Variants in CFAP44 observed in about 807,000 individuals in gnomAD.
CFAP44 encodes cilia and flagella associated protein 44, also known as cilia- and flagella-associated protein 44.
Under a neutral mutation model 216.2 loss-of-function variants are expected in CFAP44, and 134 were observed. The observed-to-expected ratio is 0.62, with a 90% CI of 0.54 to 0.72. The LOEUF is 0.72. Among genes scored for constraint, CFAP44 ranks in the 30% least tolerant of loss-of-function variants. CFAP44 has a pLI of 0.00. For synonymous variants in CFAP44, 700 were observed against 727.6 expected (o/e 0.96, Z 0.61); for missense variants, 2,035 against 2,182.1 (o/e 0.93, Z 1.34).
intron 18 of CFAP44, among the ~76,000 whole-genome samples, chr3:113,372,900 G>A (rs772442850): frequency 3.9e-5 from 6 of 152,142 alleles, no homozygotes; most frequent in African/African-American, 9.7e-5. Context: ...CTCCAGAACT[G>A]TGAGAAAAAA....
intron 22 of CFAP44, among the ~76,000 whole-genome samples, chr3:113,354,019 GA>G (rs1009953453): frequency 6.7e-6 from 1 of 149,154 alleles, no homozygotes; most frequent in Non-Finnish European, 1.5e-5. Context: ...TTAGTAGCTG[GA>G]AAAAAATTAG....
intron 6 of CFAP44, among the ~76,000 whole-genome samples, chr3:113,410,847 G>T (rs1043172417): frequency 2.2e-4 from 33 of 152,140 alleles, no homozygotes; most frequent in Non-Finnish European, 2.9e-5. Flanking sequence ...ATTCTAACTG[G>T]TGTGAGATGG....
chr3:113,341,184 A>C (rs969929931), intron 24 of CFAP44, among the ~76,000 whole-genome samples: 1 of 152,156 alleles, frequency 6.6e-6, no homozygotes, highest in African/African-American at 2.4e-5. Flanking sequence ...GTCTTGGGAA[A>C]TGCAACACTT....
rs551345363 is a variant in CFAP44, at chr3:113,327,941, T to C, written c.4117-122A>G. 1.3e-3 allele frequency: 1,093 copies of C among 818,256 alleles called. 29 individuals carry two copies. In the South Asian group the frequency reaches 0.019, roughly 14 times the overall value. 50.7% of individuals were successfully genotyped at this position (818,256 alleles called of 1,614,324 possible). A position where few individuals can be genotyped will look rare whatever the true frequency, so the allele number is the denominator to read the frequency against. On this transcript the variant is annotated intron_variant, in intron 26 of 34. Coordinates refer to ENST00000393845, the MANE Select transcript of CFAP44 (RefSeq NM_001164496.2). ...TTATGCCCTTATGGATGGAGAATTG[T>C]GTGTGTGTGTATAGTCACAAAAATA...
At position 113,366,255 on chromosome 3, in the gene CFAP44, A is replaced by G; in HGVS notation, c.2499T>C (p.Tyr833=). 6.2e-7 allele frequency: 1 copy of G among 1,612,504 alleles called. No homozygotes were observed. Among genetic ancestry groups the G allele is most frequent in the Non-Finnish European group, 8.5e-7 (1 of 1,178,860 alleles). The change falls in exon 19 of 35, where the codon TAT becomes TAC. Residue 833 remains tyrosine (Y), a synonymous_variant. Transcript: ENST00000393845. ...CGMKNGAIRV[Y]VLNQNDPSLT... The stretch of plus-strand genomic sequence containing the variant: ...ATGAAGGATCATTTTGATTTAGGAC[A>G]TAGACTCGAATTGCTCCATTTTTCA...
intron 17 of CFAP44, among the ~76,000 whole-genome samples, chr3:113,375,632 C>T (rs539258735): frequency 2.0e-5 from 3 of 152,020 alleles, no homozygotes; most frequent in African/African-American, 7.2e-5. Flanking sequence ...TAGAGTGCTA[C>T]GAACTGCAAA....
At chr3:113,299,376 CCT>C (rs372420178) in intron 32 of CFAP44, among the ~76,000 whole-genome samples, 3 of 152,106 alleles carry the variant, frequency 2.0e-5, no homozygotes, top group African/African-American at 7.2e-5. Flanking sequence ...TCATCTCACC[CCT>C]GTTAAAATGG....
At chr3:113,324,089 T>C (rs1345116046) in intron 28 of CFAP44, among the ~76,000 whole-genome samples, 1 of 149,482 alleles carries the variant, frequency 6.7e-6, no homozygotes, top group Non-Finnish European at 1.5e-5. Flanking sequence ...AACAACCCTA[T>C]AACTATTAAG....
At chr3:113,354,997 A>T (rs1319336785) in intron 22 of CFAP44, among the ~76,000 whole-genome samples, 3 of 152,178 alleles carry the variant, frequency 2.0e-5, no homozygotes, top group Non-Finnish European at 4.4e-5. Context: ...CTGAAGACGG[A>T]TCACATCACA....
At chr3:113,436,261 T>G (rs564306066) in intron 1 of CFAP44, among the ~76,000 whole-genome samples, 48 of 152,216 alleles carry the variant, frequency 3.2e-4, no homozygotes, top group African/African-American at 1.1e-3. Context: ...TAAAGAATTA[T>G]GCAGCCAATT....
chr3:113,306,778 T>C (rs1339983425), intron 29 of CFAP44, among the ~76,000 whole-genome samples: 1 of 152,174 alleles, frequency 6.6e-6, no homozygotes, highest in African/African-American at 2.4e-5. Flanking sequence ...AATGTAGAAA[T>C]GGAATACTAA....
intron 4 of CFAP44, among the ~76,000 whole-genome samples, chr3:113,423,186 C>T (rs1463640529): frequency 7.3e-6 from 1 of 137,488 alleles, no homozygotes; most frequent in Non-Finnish European, 1.5e-5. Context: ...ATGAACATGG[C>T]TCCCTGCAGG....
In CFAP44 at chr3:113,373,490, T is replaced by G; in HGVS notation, c.2365A>C (p.Lys789Gln). ...TCAATAGGTTCATCTTTTTGTTCTT[T>G]GAAATCACTGCTTTCATCACAAGGG... The part of the protein sequence containing the change: ...FPPCDESSDF[K>Q]EQKDEPIDVR... The change falls in exon 18 of 35, where the codon AAA (lysine) becomes CAA (glutamine). Residue 789 changes from lysine to glutamine, a missense_variant. By Grantham distance (53) the Lys-to-Gln change is moderately conservative. Around this residue, in one of 3 missense-constraint regions of CFAP44, gnomAD observed 1,883 missense variants for 2,023.7 expected, o/e 0.93. Transcript: ENST00000393845. 6.2e-7 allele frequency: 1 copy of G among 1,609,472 alleles called. No homozygotes were observed. The highest frequency in any genetic ancestry group is 8.5e-7 in the Non-Finnish European group (1 of 1,177,440).
intron 5 of CFAP44, among the ~76,000 whole-genome samples, chr3:113,419,190 T>C (rs113598923): frequency 1.3e-5 from 2 of 152,346 alleles, no homozygotes; most frequent in South Asian, 2.1e-4. Context: ...TGAAACCTCA[T>C]AGGCTCCGAC....
intron 28 of CFAP44, among the ~76,000 whole-genome samples, chr3:113,322,572 A>T (rs1950154993): frequency 6.6e-6 from 1 of 152,232 alleles, no homozygotes; most frequent in African/African-American, 2.4e-5. Context: ...ACTATTATTA[A>T]AAAGTCAAAA....
chr3:113,362,930 A>G, intron 21 of CFAP44: 2 of 1,290,488 alleles, frequency 1.5e-6, no homozygotes, highest in Non-Finnish European at 2.0e-6. Flanking sequence ...CAGTTGATGT[A>G]AAACAATTTG....
At chr3:113,402,910 C>A (rs940687975) in intron 9 of CFAP44, among the ~76,000 whole-genome samples, 19 of 151,932 alleles carry the variant, frequency 1.3e-4, no homozygotes, top group Non-Finnish European at 2.8e-4. Context: ...ATAAAGGACA[C>A]AAAAGATTCT....
At chr3:113,368,326 A>G (rs1933032944) in intron 18 of CFAP44, among the ~76,000 whole-genome samples, 1 of 152,242 alleles carries the variant, frequency 6.6e-6, no homozygotes, top group Non-Finnish European at 1.5e-5. Context: ...AAAAATTGTA[A>G]GAGCAGCCAG....
chr3:113,352,524 G>A (rs1576564244), intron 22 of CFAP44, among the ~76,000 whole-genome samples: 1 of 152,234 alleles, frequency 6.6e-6, no homozygotes, highest in East Asian at 1.9e-4. Flanking sequence ...AGCTGGTTTT[G>A]ATCACATAAA....
Sources: allele counts gnomAD v4.1 joint callset (sites outside exome capture counted in the v4.1 genomes callset), GRCh38; gene constraint gnomAD v4.1.1; regional missense constraint gnomAD v4.1.1; transcripts MANE v1.5; gene names NCBI Gene and HGNC (gene_info 2026-07-23, HGNC 2026-07-21).